PRKCA: variants seen among roughly 807,000 people sequenced by gnomAD.
PRKCA encodes the protein protein kinase C alpha.
PRKCA carries 27 observed loss-of-function variants against 87.0 expected under a neutral mutation model. The observed-to-expected ratio is 0.31, with a 90% CI of 0.23 to 0.43. PRKCA has a LOEUF of 0.43. Ranked by LOEUF, PRKCA falls within the 20% of genes least tolerant of loss-of-function variation. PRKCA has a pLI of 1.00. For missense variants in PRKCA, 518 were observed against 852.3 expected (o/e 0.61, Z 4.88); for synonymous variants, 329 against 311.1 (o/e 1.06, Z -0.61).
At chr17:66,463,533 T>G (rs1034827558) in intron 2 of PRKCA, among the ~76,000 whole-genome samples, 1 of 152,010 alleles carries the variant, frequency 6.6e-6, no homozygotes, top group Admixed American at 6.6e-5. Context: ...GTAGCTGAGA[T>G]TACAGGCATG....
rs1268512350 is a variant in PRKCA at position 66,808,641 on chromosome 17, A to G, written c.*4604A>G. On this transcript the variant is annotated 3_prime_UTR_variant, in exon 17 of 17. Transcript: ENST00000413366. Reference sequence around the variant, plus strand: ...AGCAGTAGGCATGACAGTCACCAGGAAGGACAAGGGTGCTCTGTTGTTAGT... The same window carrying G: ...AGCAGTAGGCATGACAGTCACCAGGGAGGACAAGGGTGCTCTGTTGTTAGT... The G allele has an allele frequency of 6.6e-6, 1 of 152,242 alleles. No homozygotes were observed. The highest frequency in any genetic ancestry group is 6.5e-5 in the Admixed American group (1 of 15,286). The allele number at this position is 152,242 out of a possible 1,614,324, so 9.4% of individuals were successfully genotyped here. A position where few individuals can be genotyped will look rare whatever the true frequency, so the allele number is the denominator to read the frequency against.
intron 13 of PRKCA, among the ~76,000 whole-genome samples, chr17:66,769,353 C>T (rs1052744796): frequency 4.3e-5 from 6 of 137,982 alleles, no homozygotes; most frequent in Non-Finnish European, 9.2e-5. Context: ...AAGACACTGT[C>T]TCAAAAAAAA....
intron 3 of PRKCA, among the ~76,000 whole-genome samples, chr17:66,509,166 G>A (rs1273258846): frequency 7.6e-6 from 1 of 131,482 alleles, no homozygotes; most frequent in African/African-American, 2.9e-5. Flanking sequence ...AAAGGAACGT[G>A]TGTGTGTGTG....
intron 2 of PRKCA, among the ~76,000 whole-genome samples, chr17:66,483,712 T>C (rs1403859291): frequency 6.6e-6 from 1 of 152,020 alleles, no homozygotes; most frequent in Non-Finnish European, 1.5e-5. Context: ...CCACCCGCCT[T>C]GGCCTCCAAA....
At position 66,803,923 on chromosome 17, in the gene PRKCA, C is replaced by G. The variant is rs145639499; in HGVS notation, c.1905C>G (p.Pro635=). ...ACAAGTTCTTCACACGAGGACAGCC[C>G]GTCTTAACACCACCTGATCAGCTGG... ...NFDKFFTRGQ[P]VLTPPDQLVI... The change falls in exon 17 of 17, where the codon CCC becomes CCG. Residue 635 remains proline, a synonymous_variant. Coordinates refer to ENST00000413366, the MANE Select transcript of PRKCA (RefSeq NM_002737.3). This position sits in a 1 kb window ranked among gnomAD's most constrained non-coding sequence, Gnocchi z 4.4. The G allele has an allele frequency of 1.3e-4, 202 of 1,613,940 alleles. No individual in the cohort carries two copies. The highest frequency in any genetic ancestry group is 5.0e-4 in the Admixed American group (30 of 60,016).
chr17:66,762,934 G>A (rs1223226937), intron 13 of PRKCA, among the ~76,000 whole-genome samples: 1 of 152,182 alleles, frequency 6.6e-6, no homozygotes, highest in Non-Finnish European at 1.5e-5. Flanking sequence ...GGAATCACAG[G>A]CATGTGCCAC....
At chr17:66,421,004 C>A (rs1030126912) in intron 2 of PRKCA, among the ~76,000 whole-genome samples, 11 of 152,178 alleles carry the variant, frequency 7.2e-5, no homozygotes, top group Non-Finnish European at 1.2e-4. Context: ...TCATGGGAAA[C>A]CTGTCTTCCT....
chr17:66,543,794 G>A (rs1968061628), intron 3 of PRKCA, among the ~76,000 whole-genome samples: 1 of 152,196 alleles, frequency 6.6e-6, no homozygotes, highest in African/African-American at 2.4e-5. Context: ...CCAAAGTTCT[G>A]GAACAAGCCT....
intron 2 of PRKCA, among the ~76,000 whole-genome samples, chr17:66,419,778 AC>A (rs1912380825): frequency 6.6e-6 from 1 of 152,126 alleles, no homozygotes; most frequent in Admixed American, 6.6e-5. Context: ...GAAAAAAGAA[AC>A]CTGCCTACTT....
At chr17:66,461,930 G>A (rs576383188) in intron 2 of PRKCA, among the ~76,000 whole-genome samples, 65 of 131,076 alleles carry the variant, frequency 5.0e-4, no homozygotes, top group Middle Eastern at 3.6e-3. Flanking sequence ...AACTACCGAG[G>A]AGGAGACTGG....
At position 66,358,244 on chromosome 17, in the gene PRKCA, C is replaced by T. The variant is rs4791066; in HGVS notation, c.205+52117C>T. ...TTTCCCTGGACAAGATTCTTACCTT[C>T]TTTGAGGGCTGAGTTTAAATAGTTA... On this transcript the variant is annotated intron_variant, in intron 2 of 16. Coordinates refer to ENST00000413366, the MANE Select transcript of PRKCA (RefSeq NM_002737.3). 9.8e-3 allele frequency among the ~76,000 whole-genome samples: 1,490 copies of T among 152,002 alleles called. 15 individuals are homozygous for T. The highest frequency in any genetic ancestry group is 0.033 in the African/African-American group (1,365 of 41,440).
At chr17:66,564,157 C>T (rs1476906703) in intron 3 of PRKCA, among the ~76,000 whole-genome samples, 1 of 152,028 alleles carries the variant, frequency 6.6e-6, no homozygotes, top group Non-Finnish European at 1.5e-5. Context: ...CGGCTCTGTG[C>T]AGGCTCTGCC....
chr17:66,351,189 G>A (rs922183362), intron 2 of PRKCA, among the ~76,000 whole-genome samples: 1 of 152,184 alleles, frequency 6.6e-6, no homozygotes, highest in African/African-American at 2.4e-5. Context: ...GCTTGAATGA[G>A]TACAGCCGAA....
intron 2 of PRKCA, among the ~76,000 whole-genome samples, chr17:66,346,288 A>G (rs765352743): frequency 1.7e-4 from 26 of 151,874 alleles, no homozygotes; most frequent in South Asian, 8.3e-4. Context: ...TAGTAGAGAC[A>G]GGGTTTCACC....
At chr17:66,497,595 T>C (rs1044018813) in intron 3 of PRKCA, among the ~76,000 whole-genome samples, 2 of 152,120 alleles carry the variant, frequency 1.3e-5, no homozygotes, top group African/African-American at 2.4e-5. Context: ...AAAAGTAATA[T>C]TTTAACTGAA....
At chr17:66,467,468 C>T (rs915322960) in intron 2 of PRKCA, among the ~76,000 whole-genome samples, 2 of 152,134 alleles carry the variant, frequency 1.3e-5, no homozygotes, top group Admixed American at 6.5e-5. Flanking sequence ...GCTTGTTTAG[C>T]TGGGCAAACA....
intron 2 of PRKCA, chr17:66,415,795 G>C (rs1363097065): frequency 6.6e-6 from 1 of 152,184 alleles, no homozygotes; most frequent in Non-Finnish European, 1.5e-5. Context: ...TCTGTGAAAT[G>C]GGGATAACAA....
At chr17:66,567,055 A>G (rs1968926335) in intron 3 of PRKCA, among the ~76,000 whole-genome samples, 1 of 152,238 alleles carries the variant, frequency 6.6e-6, no homozygotes, top group African/African-American at 2.4e-5. Flanking sequence ...CACTGCAAGT[A>G]AGAATGCGTC....
At chr17:66,553,948 C>G (rs1310607477) in intron 3 of PRKCA, among the ~76,000 whole-genome samples, 1 of 152,102 alleles carries the variant, frequency 6.6e-6, no homozygotes, top group African/African-American at 2.4e-5. Context: ...GGGTAGAATT[C>G]AGACAGGGTG....
Sources: gnomAD v4.1 joint callset for allele counts (sites outside exome capture counted in the v4.1 genomes callset) on GRCh38, gnomAD v4.1.1 for gene constraint, Gnocchi (gnomAD v3.1) non-coding constraint, MANE v1.5 for transcripts, NCBI Gene and HGNC (gene_info 2026-07-23, HGNC 2026-07-21) for gene names.